Variants in CTNND2 observed in about 807,000 individuals in gnomAD.
CTNND2 encodes catenin delta 2.
In CTNND2, 22 loss-of-function variants were observed where a neutral mutation model predicts 144.4. The observed-to-expected ratio is 0.15, with a 90% confidence interval of 0.11 to 0.22. The LOEUF is 0.22. Ranked by LOEUF, CTNND2 falls within the 10% of genes least tolerant of loss-of-function variation. The pLI is 1.00. For synonymous variants in CTNND2, 751 were observed against 695.6 expected, an observed-to-expected ratio of 1.08 and a Z score of -1.25; for missense variants, 1,353 against 1,618.8, an observed-to-expected ratio of 0.84 and a Z score of 2.82.
intron 9 of CTNND2, among the ~76,000 whole-genome samples, chr5:11,273,142 T>C (rs1746190130): frequency 6.6e-6 from 1 of 152,222 alleles, no homozygotes. Context: ...ATTATCTACA[T>C]ATAATATTTT....
chr5:11,134,659 A>G (rs1198058643), intron 12 of CTNND2, among the ~76,000 whole-genome samples: 2 of 152,238 alleles, frequency 1.3e-5, no homozygotes, highest in East Asian at 1.9e-4. Flanking sequence ...GCTCTGAATG[A>G]CAAGACGAGA....
chr5:11,403,821 C>T (rs1344012033), intron 5 of CTNND2, among the ~76,000 whole-genome samples: 3 of 152,150 alleles, frequency 2.0e-5, no homozygotes, highest in Non-Finnish European at 2.9e-5. Flanking sequence ...TGAATGGGAA[C>T]ATAGCAGTTT....
chr5:11,083,825 G>T, intron 15 of CTNND2: 3 of 956,806 alleles, frequency 3.1e-6, no homozygotes, highest in Non-Finnish European at 3.9e-6. Context: ...CCCCCCACCA[G>T]GCCACCTCCA....
intron 10 of CTNND2, among the ~76,000 whole-genome samples, chr5:11,236,163 A>G (rs1741614697): frequency 6.6e-6 from 1 of 152,224 alleles, no homozygotes; most frequent in Non-Finnish European, 1.5e-5. Context: ...TCCTTAATGG[A>G]ACACATATCC....
At chr5:11,727,392 A>G (rs1391495544) in intron 2 of CTNND2, among the ~76,000 whole-genome samples, 1 of 152,104 alleles carries the variant, frequency 6.6e-6, no homozygotes, top group Non-Finnish European at 1.5e-5. Context: ...AAACCATATC[A>G]TGTGTCATGA....
chr5:11,174,096 T>C (rs1289769768), intron 11 of CTNND2, among the ~76,000 whole-genome samples: 2 of 152,134 alleles, frequency 1.3e-5, no homozygotes, highest in African/African-American at 2.4e-5. Flanking sequence ...GATGGAGACG[T>C]TCTGGCCTTG....
chr5:11,406,515 G>T (rs909207504), intron 5 of CTNND2, among the ~76,000 whole-genome samples: 1 of 152,108 alleles, frequency 6.6e-6, no homozygotes, highest in East Asian at 1.9e-4. Flanking sequence ...TGCTTAACAC[G>T]AATTATGAAA....
intron 3 of CTNND2, among the ~76,000 whole-genome samples, chr5:11,524,618 G>A (rs1773052922): frequency 6.6e-6 from 1 of 152,142 alleles, no homozygotes; most frequent in Non-Finnish European, 1.5e-5. Flanking sequence ...GAGGCCTAAG[G>A]AAGGAGATAA....
chr5:10,988,465 G>C lies in CTNND2; in HGVS notation c.3212-223C>G, dbSNP rs1738291565. Among the ~76,000 whole-genome samples the C allele has an allele frequency of 1.3e-5, 2 of 152,160 alleles. No homozygotes were observed. Among genetic ancestry groups the C allele is most frequent in the African/African-American group, 4.8e-5 (2 of 41,448 alleles). On this transcript the variant is annotated intron_variant, in intron 19 of 21. Coordinates refer to ENST00000304623, the MANE Select transcript of CTNND2 (RefSeq NM_001332.4). This position sits in a 1 kb window ranked among gnomAD's most constrained non-coding sequence, Gnocchi z 5.9. ...GATGCTTTATAGTTAGAGGGCATGT[G>C]ATTTGGAGGCTGGCAACTGGGGACC... is the stretch of plus-strand genomic sequence containing the variant.
intron 10 of CTNND2, among the ~76,000 whole-genome samples, chr5:11,206,512 T>TCA (rs1738065927): frequency 6.6e-6 from 1 of 152,220 alleles, no homozygotes; most frequent in Non-Finnish European, 1.5e-5. Flanking sequence ...GTGATCTTGA[T>TCA]AAGTCTAATG....
At chr5:11,069,653 G>A (rs1260129343) in intron 16 of CTNND2, among the ~76,000 whole-genome samples, 1 of 110,494 alleles carries the variant, frequency 9.1e-6, no homozygotes. Flanking sequence ...AAAGGAAAGA[G>A]AGAGAGAGAG....
In CTNND2 at chr5:11,692,643, C is replaced by A. The variant is rs182204261; in HGVS notation, c.174+39493G>T. On this transcript the variant is annotated intron_variant, in intron 2 of 21. Transcript: ENST00000304623. The stretch of plus-strand genomic sequence containing the variant: ...TTGAGATGGAGTATCGCTCTGTTGC[C>A]CAGGCTGGAGTGCAGTGGCACGATC... Among the ~76,000 whole-genome samples the A allele has an allele frequency of 5.0e-3, 758 of 152,284 alleles. 5 individuals are homozygous for A. The highest frequency in any genetic ancestry group is 0.018 in the African/African-American group (728 of 41,552).
chr5:11,115,652 G>T (rs774213582), intron 13 of CTNND2, among the ~76,000 whole-genome samples: 5 of 152,212 alleles, frequency 3.3e-5, no homozygotes, highest in Admixed American at 6.5e-5. Context: ...AAAGGGGAAT[G>T]CTTACTCTTT....
intron 13 of CTNND2, 120 bp from the exon 14 acceptor site, chr5:11,111,163 C>CTGG: frequency 9.1e-7 from 1 of 1,100,884 alleles, no homozygotes; most frequent in Non-Finnish European, 1.3e-6. Context: ...TGTTTAGCTG[C>CTGG]CAGCTTCTGA....
At chr5:11,690,684 C>T (rs911447117) in intron 2 of CTNND2, among the ~76,000 whole-genome samples, 4 of 133,466 alleles carry the variant, frequency 3.0e-5, no homozygotes, top group African/African-American at 5.7e-5. Flanking sequence ...TGCAGTGAGC[C>T]GAGATTGCGC....
chr5:11,017,650 AT>A (rs1229726629), intron 18 of CTNND2, among the ~76,000 whole-genome samples: 18 of 144,714 alleles, frequency 1.2e-4, no homozygotes, highest in South Asian at 8.7e-4. Context: ...ACATTTGTTG[AT>A]TTTTTTTTCC....
At chr5:11,526,937 A>G (rs997287958) in intron 3 of CTNND2, among the ~76,000 whole-genome samples, 1 of 152,220 alleles carries the variant, frequency 6.6e-6, no homozygotes, top group Non-Finnish European at 1.5e-5. Flanking sequence ...ATACATGCTC[A>G]ATATAGATGA....
chr5:11,240,245 A>G (rs1742120112), intron 9 of CTNND2, among the ~76,000 whole-genome samples: 2 of 129,090 alleles, frequency 1.5e-5, no homozygotes, highest in South Asian at 5.3e-4. Flanking sequence ...ACCAACACAC[A>G]CACTCACACA....
chr5:11,113,972 G>A (rs143685743), intron 13 of CTNND2, among the ~76,000 whole-genome samples: 1 of 152,308 alleles, frequency 6.6e-6, no homozygotes, highest in African/African-American at 2.4e-5. Flanking sequence ...TTTCTTGTCA[G>A]CTTTTCAAGG....
Sources: allele counts gnomAD v4.1 joint callset (sites outside exome capture counted in the v4.1 genomes callset), GRCh38; gene constraint gnomAD v4.1.1; non-coding constraint Gnocchi (gnomAD v3.1); transcripts MANE v1.5; gene names NCBI Gene and HGNC (gene_info 2026-07-23, HGNC 2026-07-21).